RBFOX1: variants seen among roughly 807,000 people sequenced by gnomAD.
RBFOX1 encodes the protein RNA binding protein fox-1 homolog 1.
RBFOX1 carries 8 observed loss-of-function variants against 57.7 expected under a neutral mutation model. That is an observed-to-expected ratio of 0.14 (90% CI 0.08 to 0.25). RBFOX1 has a LOEUF of 0.25. RBFOX1 is among the 10% of genes least tolerant of loss of function. RBFOX1 has a pLI of 1.00. For synonymous variants in RBFOX1, 326 were observed against 222.4 expected (o/e 1.47, Z -4.15); for missense variants, 611 against 548.5 (o/e 1.11, Z -1.14).
At chr16:7,309,437 C>T (rs563208883) in intron 4 of RBFOX1, among the ~76,000 whole-genome samples, 1 of 152,322 alleles carries the variant, frequency 6.6e-6, no homozygotes, top group African/African-American at 2.4e-5. Context: ...AGACCAAAGC[C>T]TTGTGCCATT....
At chr16:7,686,315 G>A (rs1160602143) in intron 14 of RBFOX1, among the ~76,000 whole-genome samples, 1 of 151,962 alleles carries the variant, frequency 6.6e-6, no homozygotes, top group Non-Finnish European at 1.5e-5. Flanking sequence ...CATAGGTTGG[G>A]GAATAGAAAT....
chr16:6,837,699 C>G (rs934040845), intron 3 of RBFOX1, among the ~76,000 whole-genome samples: 5 of 152,178 alleles, frequency 3.3e-5, no homozygotes, highest in African/African-American at 1.2e-4. Flanking sequence ...GTGCTAATCA[C>G]TGTGGGCATT....
intron 4 of RBFOX1, among the ~76,000 whole-genome samples, chr16:7,353,463 T>C (rs2097162583): frequency 6.6e-6 from 1 of 152,190 alleles, no homozygotes; most frequent in African/African-American, 2.4e-5. Context: ...CCTAGGTATA[T>C]ATTCAAGATA....
chr16:7,330,670 C>T (rs1441429744), intron 4 of RBFOX1, among the ~76,000 whole-genome samples: 1 of 152,000 alleles, frequency 6.6e-6, no homozygotes, highest in African/African-American at 2.4e-5. Context: ...CTCTTCTATG[C>T]TCAGGAAACT....
At position 6,655,685 on chromosome 16, in the gene RBFOX1, C is replaced by G. The variant is rs572240195; in HGVS notation, c.-16+1035C>G. On this transcript the variant is annotated intron_variant, in intron 3 of 15. Coordinates refer to ENST00000550418, the MANE Select transcript of RBFOX1 (RefSeq NM_018723.4). ...AAGATCAGATTTTACCCTGTGTATGCCTTGGATCCAAAGAGGTCAAATAAG... is the reference window on the plus strand; with the variant it reads ...AAGATCAGATTTTACCCTGTGTATGGCTTGGATCCAAAGAGGTCAAATAAG... Among the ~76,000 whole-genome samples, 22 of 152,256 alleles carry G rather than the reference C, an allele frequency of 1.4e-4. No homozygotes were observed. In the South Asian group the frequency reaches 4.4e-3, roughly 30 times the overall value.
At chr16:5,802,913 G>A (rs2055105085) in intron 3 of RBFOX1, among the ~76,000 whole-genome samples, 1 of 152,086 alleles carries the variant, frequency 6.6e-6, no homozygotes, top group Non-Finnish European at 1.5e-5. Flanking sequence ...CATTTACTGA[G>A]CATTTACTCC....
At chr16:7,394,202 C>T (rs1004879359) in intron 4 of RBFOX1, among the ~76,000 whole-genome samples, 4 of 125,718 alleles carry the variant, frequency 3.2e-5, no homozygotes, top group African/African-American at 1.2e-4. Flanking sequence ...TGCTACTGCA[C>T]TCTAGCCTGG....
rs371622660 is a variant in RBFOX1, at chr16:6,027,572, G to A, written c.-127+7580G>A. ...AGATTATCACTACATTGTACAGTCC[G>A]TCTGAGGATTAATCAGCCTGGTAAA... On this transcript the variant is annotated intron_variant, in intron 1 of 15. Coordinates refer to ENST00000550418, the MANE Select transcript of RBFOX1 (RefSeq NM_018723.4). Among the ~76,000 whole-genome samples, 17 of 152,260 alleles carry A rather than the reference G, an allele frequency of 1.1e-4. No homozygotes were observed. The East Asian group carries it at 1.7e-3, about 16-fold the overall frequency.
intron 3 of RBFOX1, among the ~76,000 whole-genome samples, chr16:6,685,086 C>G (rs1032199902): frequency 6.6e-6 from 1 of 152,148 alleles, no homozygotes; most frequent in Non-Finnish European, 1.5e-5. Context: ...CTCCATCCCT[C>G]ATCATTTCCC....
chr16:6,702,926 C>A (rs1343782844), intron 3 of RBFOX1, among the ~76,000 whole-genome samples: 1 of 152,214 alleles, frequency 6.6e-6, no homozygotes, highest in Non-Finnish European at 1.5e-5. Flanking sequence ...ACTCCCCATT[C>A]TCATGTCCTC....
chr16:6,588,922 A>C (rs55956846), intron 2 of RBFOX1, among the ~76,000 whole-genome samples: 3,601 of 152,142 alleles, frequency 0.024, 137 homozygotes, highest in African/African-American at 0.081. Context: ...GTAACTGACA[A>C]ATTTCCCCAG....
intron 2 of RBFOX1, among the ~76,000 whole-genome samples, chr16:6,397,278 A>G (rs1231696990): frequency 6.6e-6 from 1 of 152,202 alleles, no homozygotes; most frequent in Non-Finnish European, 1.5e-5. Flanking sequence ...AGATAAAAAC[A>G]TCTTGAAAAC....
chr16:7,555,731 G>A (rs142586019), intron 5 of RBFOX1, among the ~76,000 whole-genome samples: 2 of 152,084 alleles, frequency 1.3e-5, no homozygotes, highest in Admixed American at 1.3e-4. Context: ...ATTATTGCCT[G>A]AGCTCTCCCT....
chr16:5,762,087 T>C (rs1334381482), intron 3 of RBFOX1, among the ~76,000 whole-genome samples: 3 of 152,146 alleles, frequency 2.0e-5, no homozygotes, highest in Non-Finnish European at 4.4e-5. Context: ...ATTGTAAGAA[T>C]AAATGAATTT....
At chr16:7,684,693 T>C (rs2075678708) in intron 14 of RBFOX1, among the ~76,000 whole-genome samples, 1 of 152,080 alleles carries the variant, frequency 6.6e-6, no homozygotes, top group Non-Finnish European at 1.5e-5. Context: ...GGTTTCAATT[T>C]TGTAATTTAA....
intron 4 of RBFOX1, among the ~76,000 whole-genome samples, chr16:5,906,100 A>C (rs1416340173): frequency 1.3e-5 from 2 of 152,100 alleles, no homozygotes; most frequent in Non-Finnish European, 2.9e-5. Context: ...GCTGGCAGCA[A>C]ACACCTCAAC....
chr16:6,772,360 C>G (rs1460094954), intron 3 of RBFOX1, among the ~76,000 whole-genome samples: 1 of 152,134 alleles, frequency 6.6e-6, no homozygotes, highest in Non-Finnish European at 1.5e-5. Context: ...ATTTATGCAG[C>G]AATGCAGCTG....
chr16:6,686,817 C>T (rs1238399795), intron 3 of RBFOX1, among the ~76,000 whole-genome samples: 1 of 152,192 alleles, frequency 6.6e-6, no homozygotes, highest in East Asian at 1.9e-4. Flanking sequence ...ACAGATTGCA[C>T]GTCCTTTTTA....
chr16:5,977,485 T>C (rs553946533), intron 4 of RBFOX1, among the ~76,000 whole-genome samples: 2 of 152,294 alleles, frequency 1.3e-5, no homozygotes, highest in East Asian at 1.9e-4. Context: ...AGACACGTAC[T>C]TGGGGCCTTG....
Sources: gnomAD v4.1 joint callset for allele counts (sites outside exome capture counted in the v4.1 genomes callset) on GRCh38, gnomAD v4.1.1 for gene constraint, MANE v1.5 for transcripts, NCBI Gene and HGNC (gene_info 2026-07-23, HGNC 2026-07-21) for gene names.